CFAP20DC: variants seen among roughly 807,000 people sequenced by gnomAD.
The protein encoded by CFAP20DC is CFAP20 domain containing, also known as protein CFAP20DC.
Under a neutral mutation model 101.7 loss-of-function variants are expected in CFAP20DC, and 84 were observed. The observed-to-expected ratio is 0.83, with a 90% confidence interval of 0.69 to 0.99. The LOEUF is 0.99. Among genes scored for constraint, CFAP20DC ranks in the 50% least tolerant of loss-of-function variants. The probability of loss-of-function intolerance (pLI) is 0.00; values close to 1 mark genes in which losing one functional copy is unlikely to be tolerated. For missense variants in CFAP20DC, 1,007 were observed against 970.3 expected, an observed-to-expected ratio of 1.04 and a Z score of -0.50; for synonymous variants, 359 against 351.2, an observed-to-expected ratio of 1.02 and a Z score of -0.25.
rs573222448 is a variant in CFAP20DC at position 59,016,672 on chromosome 3, C to T, written c.278+22885G>A. 2.0e-5 allele frequency among the ~76,000 whole-genome samples: 3 copies of T among 152,136 alleles called. No homozygotes were observed. In the East Asian group the frequency reaches 5.8e-4, roughly 29 times the overall value. Reference sequence around the variant, plus strand: ...GGTATGTACAATTGTTACTTGTTAACTAAAAAGGTTTAAAAACAGTTTTTT... The same window carrying T: ...GGTATGTACAATTGTTACTTGTTAATTAAAAAGGTTTAAAAACAGTTTTTT... On this transcript the variant is annotated intron_variant, in intron 4 of 16. Transcript: ENST00000482387.
At position 58,821,076 on chromosome 3, in the gene CFAP20DC, A is replaced by G. The variant is rs1268413540; in HGVS notation, c.2175+10610T>C. On this transcript the variant is annotated intron_variant, in intron 14 of 16. Transcript: ENST00000482387. Reference sequence around the variant, plus strand: ...CCCTATTTAATAAATGGTGCTGGGAAAACTGGCTAGCCATATGTAGAAAGC... The same window carrying G: ...CCCTATTTAATAAATGGTGCTGGGAGAACTGGCTAGCCATATGTAGAAAGC... Among the ~76,000 whole-genome samples, 130 of 151,974 alleles carry G rather than the reference A, an allele frequency of 8.6e-4. 2 individuals are homozygous for G. The highest frequency in any genetic ancestry group is 3.0e-3 in the African/African-American group (126 of 41,426).
At chr3:58,842,870 G>A (rs1287033784) in intron 13 of CFAP20DC, among the ~76,000 whole-genome samples, 2 of 152,310 alleles carry the variant, frequency 1.3e-5, no homozygotes, top group South Asian at 4.1e-4. Flanking sequence ...CCCCCGAGCA[G>A]CCTAACTGGG....
intron 1 of CFAP20DC, 71 bp from the exon 2 acceptor site, chr3:59,047,325 C>A: frequency 9.8e-7 from 1 of 1,018,352 alleles, no homozygotes; most frequent in Non-Finnish European, 1.5e-6. Flanking sequence ...TAGTCTATAA[C>A]CAGTGTTCCC....
intron 12 of CFAP20DC, among the ~76,000 whole-genome samples, chr3:58,855,982 TAATAAAAAAA>T (rs1193308464): frequency 5.0e-5 from 7 of 139,064 alleles, no homozygotes; most frequent in South Asian, 2.2e-4. Context: ...ACTTAAAGTA[TAATAAAAAAA>T]AATAAAAAAA....
In CFAP20DC at chr3:58,728,579, T is replaced by G. The variant is rs2107070077; in HGVS notation, c.198-10951A>C. 1.3e-5 allele frequency among the ~76,000 whole-genome samples: 2 copies of G among 152,316 alleles called. No homozygotes were observed. The highest frequency in any genetic ancestry group is 4.1e-4 in the South Asian group (2 of 4,820). On this transcript the variant is annotated intron_variant, in intron 3 of 3. Coordinates refer to the CFAP20DC transcript ENST00000486145. The surrounding 1 kb of genome is among the most constrained non-coding windows in gnomAD (Gnocchi z 4.7). ...CAGATTGGGTCAGTTGATTATTCTGTGCTGAGCTAGCACAGAATTAAGTCA... is the reference window on the plus strand; with the variant it reads ...CAGATTGGGTCAGTTGATTATTCTGGGCTGAGCTAGCACAGAATTAAGTCA...
At chr3:58,949,019 A>G (rs1012189481) in intron 4 of CFAP20DC, among the ~76,000 whole-genome samples, 3 of 152,068 alleles carry the variant, frequency 2.0e-5, no homozygotes, top group Admixed American at 6.6e-5. Context: ...TAGTCTTGGG[A>G]GGGTGTATGT....
At chr3:58,842,573 C>A (rs2077226139) in intron 13 of CFAP20DC, among the ~76,000 whole-genome samples, 1 of 152,218 alleles carries the variant, frequency 6.6e-6, no homozygotes, top group African/African-American at 2.4e-5. Flanking sequence ...TGCAAGGCGG[C>A]AGCGAGCTGG....
chr3:58,974,243 A>G (rs1382079721), intron 4 of CFAP20DC, among the ~76,000 whole-genome samples: 2 of 151,674 alleles, frequency 1.3e-5, no homozygotes, highest in East Asian at 3.9e-4. Flanking sequence ...TAGTTTTTCA[A>G]CCCTCGCCGT....
chr3:58,816,953 A>C (rs948223227), intron 14 of CFAP20DC, among the ~76,000 whole-genome samples: 1 of 152,228 alleles, frequency 6.6e-6, no homozygotes, highest in Non-Finnish European at 1.5e-5. Context: ...GAGAACCAGC[A>C]GACTGCCTCC....
chr3:58,716,202 G>A (rs1039431048), downstream of CFAP20DC, among the ~76,000 whole-genome samples: 5 of 139,066 alleles, frequency 3.6e-5, no homozygotes, highest in East Asian at 4.1e-4. Flanking sequence ...TCGCCCAGGC[G>A]GGACTGCGGA....
chr3:58,864,914 A>AT lies in CFAP20DC; in HGVS notation c.1259-1023dup, dbSNP rs2079551621. ...TACCATACACTACAGGGAAATATATATTTTTTCAAAACTTTTAAAGACTTC... is the reference window on the plus strand; with the variant it reads ...TACCATACACTACAGGGAAATATATATTTTTTTCAAAACTTTTAAAGACTTC... On this transcript the variant is annotated intron_variant, in intron 11 of 16. Coordinates refer to ENST00000482387, the MANE Select transcript of CFAP20DC (RefSeq NM_001394063.1). The surrounding 1 kb of genome is among the most constrained non-coding windows in gnomAD (Gnocchi z 4.7). Among the ~76,000 whole-genome samples, 1 of 152,122 alleles carries AT rather than the reference A, an allele frequency of 6.6e-6. No homozygotes were observed. The highest frequency in any genetic ancestry group is 1.5e-5 in the Non-Finnish European group (1 of 68,010).
chr3:58,937,069 G>A (rs186880198), intron 5 of CFAP20DC, among the ~76,000 whole-genome samples: 13 of 152,124 alleles, frequency 8.5e-5, no homozygotes, highest in Non-Finnish European at 1.8e-4. Context: ...TGAAGTTTGA[G>A]AACGACTTGT....
chr3:58,803,923 C>T (rs901562831), intron 15 of CFAP20DC, among the ~76,000 whole-genome samples: 1 of 152,122 alleles, frequency 6.6e-6, no homozygotes, highest in African/African-American at 2.4e-5. Context: ...TCTATCTTGA[C>T]AGTATATCTT....
At chr3:58,848,581 C>T (rs2077938615) in intron 13 of CFAP20DC, among the ~76,000 whole-genome samples, 1 of 152,094 alleles carries the variant, frequency 6.6e-6, no homozygotes, top group Admixed American at 6.6e-5. Flanking sequence ...TAATGTTAAC[C>T]TTCACTCATA....
At chr3:58,943,834 T>C (rs1244319069) in intron 4 of CFAP20DC, among the ~76,000 whole-genome samples, 2 of 152,010 alleles carry the variant, frequency 1.3e-5, no homozygotes, top group Non-Finnish European at 2.9e-5. Context: ...TAAAAATAGT[T>C]AGAGGAATTG....
chr3:58,874,136 G>A lies in CFAP20DC; in HGVS notation c.716-3827C>T, dbSNP rs1456316501. Reference sequence around the variant, plus strand: ...CCAGCTCCTCTTCAGTGTCTGAAAGGCACTTCAAACTGGAAACCTGGTCTA... The same window carrying A: ...CCAGCTCCTCTTCAGTGTCTGAAAGACACTTCAAACTGGAAACCTGGTCTA... On this transcript the variant is annotated intron_variant, in intron 7 of 16. Transcript: ENST00000482387. The surrounding 1 kb of genome is among the most constrained non-coding windows in gnomAD (Gnocchi z 5.1). Among the ~76,000 whole-genome samples, 1 of 152,210 alleles carries A rather than the reference G, an allele frequency of 6.6e-6. No individual in the cohort carries two copies. Among genetic ancestry groups the A allele is most frequent in the Non-Finnish European group, 1.5e-5 (1 of 68,044 alleles).
At chr3:58,778,426 G>C (rs1429334520) in intron 15 of CFAP20DC, among the ~76,000 whole-genome samples, 1 of 152,158 alleles carries the variant, frequency 6.6e-6, no homozygotes, top group Non-Finnish European at 1.5e-5. Flanking sequence ...TACCACAACA[G>C]CTGGCACCCA....
chr3:59,021,466 G>A (rs1188607451), intron 4 of CFAP20DC, among the ~76,000 whole-genome samples: 1 of 152,028 alleles, frequency 6.6e-6, no homozygotes, highest in East Asian at 1.9e-4. Context: ...AAGAGCAGTG[G>A]AGTGGGTGTA....
chr3:58,925,628 A>T (rs974647287), intron 5 of CFAP20DC, among the ~76,000 whole-genome samples: 1 of 152,244 alleles, frequency 6.6e-6, no homozygotes, highest in African/African-American at 2.4e-5. Flanking sequence ...AACAACATCA[A>T]CTAACAGACT....
Sources: gnomAD v4.1 joint callset for allele counts (sites outside exome capture counted in the v4.1 genomes callset) on GRCh38, gnomAD v4.1.1 for gene constraint, Gnocchi (gnomAD v3.1) non-coding constraint, MANE v1.5 for transcripts, NCBI Gene and HGNC (gene_info 2026-07-23, HGNC 2026-07-21) for gene names.